Variants in COL17A1 observed in about 807,000 individuals in gnomAD.
The protein encoded by COL17A1 is collagen type XVII alpha 1 chain, also known as collagen alpha-1(XVII) chain.
In COL17A1, 181 loss-of-function variants were observed where a neutral mutation model predicts 218.4. That is an observed-to-expected ratio of 0.83 (90% CI 0.73 to 0.94). The LOEUF (loss-of-function observed/expected upper bound fraction) is 0.94. COL17A1 is among the 40% of genes least tolerant of loss of function. The pLI is 0.00. For synonymous variants in COL17A1, 721 were observed against 731.0 expected (o/e 0.99, Z 0.22); for missense variants, 1,924 against 1,945.9 (o/e 0.99, Z 0.21).
intron 13 of COL17A1, among the ~76,000 whole-genome samples, chr10:104,060,991 C>T (rs897874622): frequency 2.6e-5 from 4 of 152,158 alleles, no homozygotes; most frequent in Non-Finnish European, 5.9e-5. Context: ...GGAAACAGCT[C>T]ACTGTATGGT....
At chr10:104,046,119 G>A (rs911981037) in intron 32 of COL17A1, among the ~76,000 whole-genome samples, 1 of 152,220 alleles carries the variant, frequency 6.6e-6, no homozygotes, top group Non-Finnish European at 1.5e-5. Flanking sequence ...CCCTGCAGGG[G>A]AGGGGCTCGG....
At chr10:104,041,015 G>A in intron 39 of COL17A1, 50 bp downstream of exon 39, 1 of 1,606,542 alleles carries the variant, frequency 6.2e-7, no homozygotes, top group South Asian at 1.1e-5. Flanking sequence ...GTCTGTGGCA[G>A]GACAAGGGCT....
rs56889497 is a variant in COL17A1, at chr10:104,040,570, G to GTGGA, written c.2702-164_2702-161dup. Among the ~76,000 whole-genome samples, 25,207 of 149,974 alleles carry GTGGA rather than the reference G, an allele frequency of 0.17. 2,366 individuals are homozygous for GTGGA. The highest frequency in any genetic ancestry group is 0.23 in the African/African-American group (9,472 of 40,566). On this transcript the variant is annotated intron_variant, in intron 39 of 55. Coordinates refer to ENST00000648076, the MANE Select transcript of COL17A1 (RefSeq NM_000494.4). Reference sequence around the variant, plus strand: ...GGTGGGTGGATGAATGGGCGGGTGGGTGGATGGATGGATGGATGGATGGAT... The same window carrying GTGGA: ...GGTGGGTGGATGAATGGGCGGGTGGGTGGATGGATGGATGGATGGATGGATGGAT...
intron 33 of COL17A1, 110 bp downstream of exon 33, chr10:104,045,648 G>T: frequency 2.1e-6 from 2 of 937,066 alleles, no homozygotes; most frequent in Non-Finnish European, 3.5e-6. Flanking sequence ...ACCACTAGAT[G>T]CCACTGTTGA....
Position 104,041,342 on chromosome 10 carries a change from G to C in COL17A1, c.2608C>G (p.Pro870Ala). 6.2e-7 allele frequency: 1 copy of C among 1,611,086 alleles called. No homozygotes were observed. The highest frequency in any genetic ancestry group is 8.5e-7 in the Non-Finnish European group (1 of 1,178,726). Reference sequence around the variant, plus strand: ...GGTCCTGGTGGGCCTGGAATGGAAGGCCCTGCAGAAGAGAGCAAGGAAGAG... The same window carrying C: ...GGTCCTGGTGGGCCTGGAATGGAAGCCCCTGCAGAAGAGAGCAAGGAAGAG... ...GPPGPRGPPG[P>A]SIPGPPGPRG... is the part of the protein sequence containing the mutation. Residue 870 changes from proline (P) to alanine (A), a missense_variant and splice_region_variant, in exon 38 of 56, where the codon CCT (proline) becomes GCT (alanine). Physicochemically the swap from Pro to Ala is conservative, Grantham distance 27 (BLOSUM62 -1). Transcript: ENST00000648076.
Position 104,050,088 on chromosome 10 carries a change from C to A in COL17A1, c.2164+1G>T. On this transcript the variant is annotated splice_donor_variant, in intron 28 of 55. Coordinates refer to ENST00000648076, the MANE Select transcript of COL17A1 (RefSeq NM_000494.4). LOFTEE classifies it high-confidence loss of function. ...AAAGTAGATTCCCATGACAGACTGA[C>A]CTGTGAGGCCTCGAGGTCCTTTCTC... 1 of 1,614,142 alleles carries A rather than the reference C, an allele frequency of 6.2e-7. No homozygotes were observed. Among genetic ancestry groups the A allele is most frequent in the Non-Finnish European group, 8.5e-7 (1 of 1,180,010 alleles).
At chr10:104,032,325 T>C (rs1564668759) in intron 55 of COL17A1, 35 bp from the exon 56 acceptor site, 1 of 1,587,498 alleles carries the variant, frequency 6.3e-7, no homozygotes, top group Admixed American at 1.7e-5. Context: ...AGTTAAAACA[T>C]ATCTTGTGGC....
At chr10:104,084,514 GTATAA>G (rs1188432945) in intron 1 of COL17A1, among the ~76,000 whole-genome samples, 1 of 152,008 alleles carries the variant, frequency 6.6e-6, no homozygotes, top group African/African-American at 2.4e-5. Flanking sequence ...GATGGGGTTA[GTATAA>G]TATGAGTGTG....
chr10:104,071,515 G>A (rs1016211166), intron 8 of COL17A1, among the ~76,000 whole-genome samples: 2 of 152,156 alleles, frequency 1.3e-5, no homozygotes, highest in African/African-American at 4.8e-5. Context: ...AGACTGGGGG[G>A]TCTCTGACAT....
At position 104,039,091 on chromosome 10, in the gene COL17A1, A is replaced by C. The variant is rs757013228; in HGVS notation, c.2927T>G (p.Ile976Ser). The C allele has an allele frequency of 1.2e-6, 2 of 1,614,174 alleles. No homozygotes were observed. Among genetic ancestry groups the C allele is most frequent in the Non-Finnish European group, 1.7e-6 (2 of 1,180,012 alleles). Residue 976 changes from isoleucine (I) to serine (S), a missense_variant, in exon 44 of 56, where the codon ATT becomes AGT. Ile to Ser is a moderately radical substitution (Grantham distance 142). Transcript: ENST00000648076. ...GDPGVPGALG[I>S]PSGPSEGGSS... ...CTTACCTTCAGAAGGACCACTAGGA[A>C]TGCCAAGAGCCCCTGGAACACCTGG...
Position 104,062,825 on chromosome 10 carries a change from C to T in COL17A1, c.839-496G>A, listed in dbSNP as rs566998287. On this transcript the variant is annotated intron_variant, in intron 11 of 55. Coordinates refer to ENST00000648076, the MANE Select transcript of COL17A1 (RefSeq NM_000494.4). ...AACTCCCCCACCTCCACTATGGTTT[C>T]GAAGGCTCCTTGTTTATTTGATTGC... is the stretch of plus-strand genomic sequence containing the variant. 1.7e-4 allele frequency among the ~76,000 whole-genome samples: 26 copies of T among 152,252 alleles called. 1 individual carries two copies. In the South Asian group the frequency reaches 5.2e-3, roughly 30 times the overall value.
rs538978051 is a variant in COL17A1 at position 104,033,144 on chromosome 10, CTG to C, written c.4294+92_4294+93del. 3.9e-3 allele frequency: 6,055 copies of C among 1,538,350 alleles called. 15 individuals carry two copies. Among genetic ancestry groups the C allele is most frequent in the Non-Finnish European group, 4.9e-3 (5,591 of 1,134,212 alleles). ...TTTTGAGCATCTCAAATGTTAATAA[CTG>C]GAGATTTCTCATGAGACTGGTGTCT... is the stretch of plus-strand genomic sequence containing the variant. On this transcript the variant is annotated intron_variant, in intron 53 of 55. Coordinates refer to ENST00000648076, the MANE Select transcript of COL17A1 (RefSeq NM_000494.4).
Position 104,034,698 on chromosome 10 carries a change from C to T in COL17A1, c.3689G>A (p.Gly1230Asp). The T allele has an allele frequency of 6.2e-7, 1 of 1,610,860 alleles. No individual in the cohort carries two copies. The highest frequency in any genetic ancestry group is 8.5e-7 in the Non-Finnish European group (1 of 1,178,970). Residue 1230 changes from glycine (G) to aspartate (D), a missense_variant, in exon 51 of 56, where the codon GGT becomes GAT. Physicochemically the swap from Gly to Asp is moderately conservative, Grantham distance 94. Transcript: ENST00000648076. ...ATAGGTTGCCAGGGCTCCTGAGACA[C>T]CCGGGGGCCCTCGAGGCCCTGGGGG... is the stretch of plus-strand genomic sequence containing the variant. Reference protein sequence around the residue: ...PGPPGPRGPPGVSGALATYAA... With the variant: ...PGPPGPRGPPDVSGALATYAA...
chr10:104,079,693 C>T lies in COL17A1; in HGVS notation c.52+929G>A, dbSNP rs1180994605. 2.0e-5 allele frequency among the ~76,000 whole-genome samples: 3 copies of T among 152,106 alleles called. No individual in the cohort carries two copies. The East Asian group carries it at 5.8e-4, about 29-fold the overall frequency. Reference sequence around the variant, plus strand: ...CTGTAATCCCAACACTTTGGGAGGCCGAGGCGGGCAGATCACGAGGTCAGG... The same window carrying T: ...CTGTAATCCCAACACTTTGGGAGGCTGAGGCGGGCAGATCACGAGGTCAGG... On this transcript the variant is annotated intron_variant, in intron 2 of 55. Transcript: ENST00000648076.
At chr10:104,040,631 T>G (rs1320926998) in intron 39 of COL17A1, among the ~76,000 whole-genome samples, 1 of 151,990 alleles carries the variant, frequency 6.6e-6, no homozygotes, top group Non-Finnish European at 1.5e-5. Context: ...GATAGGTGGA[T>G]GGGTAGATGG....
intron 16 of COL17A1, 91 bp from the exon 17 acceptor site, chr10:104,057,263 A>C (rs1398317657): frequency 1.2e-6 from 2 of 1,601,596 alleles, no homozygotes. Context: ...TTCTGGCCTG[A>C]GTGACTACGA....
At chr10:104,059,792 C>A in intron 14 of COL17A1, 74 bp from the exon 15 acceptor site, 1 of 1,467,280 alleles carries the variant, frequency 6.8e-7, no homozygotes, top group South Asian at 1.1e-5. Context: ...TTCCCCCCGC[C>A]CTTGCCCACT....
In COL17A1 at chr10:104,054,065, G is replaced by C. The variant is rs377239854; in HGVS notation, c.1771+27C>G. Reference sequence around the variant, plus strand: ...GATTGAGCAGCTGCAACACTGGCAGGCCTGGAGGTCATCAGAGAGTACATA... The same window carrying C: ...GATTGAGCAGCTGCAACACTGGCAGCCCTGGAGGTCATCAGAGAGTACATA... On this transcript the variant is annotated intron_variant, in intron 21 of 55. Transcript: ENST00000648076. 19 of 1,613,438 alleles carry C rather than the reference G, an allele frequency of 1.2e-5. No homozygotes were observed. In the African/African-American group the frequency reaches 2.3e-4, roughly 19 times the overall value.
intron 1 of COL17A1, among the ~76,000 whole-genome samples, chr10:104,085,001 A>G (rs772711175): frequency 6.6e-6 from 1 of 152,230 alleles, no homozygotes; most frequent in Non-Finnish European, 1.5e-5. Context: ...CCACTTAGGT[A>G]TCTAAACTGG....
Sources: allele counts gnomAD v4.1 joint callset (sites outside exome capture counted in the v4.1 genomes callset), GRCh38; gene constraint gnomAD v4.1.1; transcripts MANE v1.5; gene names NCBI Gene and HGNC (gene_info 2026-07-23, HGNC 2026-07-21).